Variants in DNAH11 observed in about 807,000 individuals in gnomAD.
The protein encoded by DNAH11 is axonemal beta dynein heavy chain 11.
In DNAH11, 442 loss-of-function variants were observed where a neutral mutation model predicts 526.0. The ratio of observed to expected loss-of-function variants is 0.84; its 90% CI spans 0.78 to 0.91. The LOEUF (loss-of-function observed/expected upper bound fraction) is 0.91, where lower values mean the gene tolerates loss of function less well. Ranked by LOEUF, DNAH11 falls within the 40% of genes least tolerant of loss-of-function variation. The pLI, the probability that DNAH11 is intolerant of heterozygous loss-of-function variation, is 0.00. For synonymous variants in DNAH11, 2,461 were observed against 1,935.9 expected (o/e 1.27, Z -7.12); for missense variants, 6,989 against 5,448.7 (o/e 1.28, Z -8.90).
intron 52 of DNAH11, 114 bp downstream of exon 52, chr7:21,748,856 C>T: frequency 1.8e-6 from 2 of 1,103,046 alleles, no homozygotes; most frequent in Non-Finnish European, 2.5e-6. Context: ...GCCTCCCCAA[C>T]CACGGGAGAG....
At chr7:21,609,558 G>A (rs1463825612) in intron 20 of DNAH11, among the ~76,000 whole-genome samples, 1 of 135,166 alleles carries the variant, frequency 7.4e-6, no homozygotes, top group Admixed American at 7.3e-5. Flanking sequence ...TGGAATTAGT[G>A]TAAGTGATAG....
intron 2 of DNAH11, 131 bp from the exon 3 acceptor site, chr7:21,558,671 C>G (rs1783317604): frequency 1.5e-6 from 1 of 670,892 alleles, no homozygotes; most frequent in South Asian, 2.1e-5. Context: ...ACTTTATCCT[C>G]TCTTTGTAGA....
In DNAH11 at chr7:21,901,382, T is replaced by C; in HGVS notation, c.*128T>C. ...CACACGTGCATTCTTTTTTCAACGC[T>C]ATCCTTAGAGTGAAAGTCAGAAAAA... On this transcript the variant is annotated 3_prime_UTR_variant, in exon 82 of 82. Transcript: ENST00000409508. 7.7e-7 allele frequency: 1 copy of C among 1,298,280 alleles called. No homozygotes were observed. The highest frequency in any genetic ancestry group is 1.0e-6 in the Non-Finnish European group (1 of 1,000,010). 80.4% of individuals were successfully genotyped at this position (1,298,280 alleles called of 1,614,324 possible). A position where few individuals can be genotyped will look rare whatever the true frequency, so the allele number is the denominator to read the frequency against.
At chr7:21,656,917 A>C (rs1325690466) in intron 29 of DNAH11, among the ~76,000 whole-genome samples, 4 of 152,098 alleles carry the variant, frequency 2.6e-5, no homozygotes, top group Non-Finnish European at 5.9e-5. Flanking sequence ...TGATTAGAAA[A>C]AGTTGCCATA....
At chr7:21,755,926 T>C (rs1236698891) in intron 54 of DNAH11, among the ~76,000 whole-genome samples, 1 of 152,298 alleles carries the variant, frequency 6.6e-6, no homozygotes, top group Non-Finnish European at 1.5e-5. Context: ...TAACTTCTTA[T>C]TGTTGGTTAT....
At chr7:21,763,440 C>T (rs1199555792) in intron 54 of DNAH11, among the ~76,000 whole-genome samples, 1 of 150,808 alleles carries the variant, frequency 6.6e-6, no homozygotes, top group Admixed American at 6.6e-5. Context: ...AAATCAAAAC[C>T]ACAATGAAGC....
At chr7:21,620,371 A>G (rs1785988903) in intron 25 of DNAH11, among the ~76,000 whole-genome samples, 1 of 152,056 alleles carries the variant, frequency 6.6e-6, no homozygotes. Context: ...CCTTTGATCA[A>G]CAGCTCCTCT....
intron 30 of DNAH11, among the ~76,000 whole-genome samples, chr7:21,669,528 C>T (rs570708311): frequency 2.0e-5 from 3 of 151,828 alleles, no homozygotes; most frequent in Admixed American, 1.3e-4. Context: ...GTTTTTTGTT[C>T]GAAAATGGAC....
chr7:21,725,909 C>T lies in DNAH11; in HGVS notation c.7365C>T (p.Asp2455=), dbSNP rs183855253. ...GAACAATCTTTGATTATTATGTGGA[C>T]CACAAAACTAAGAAATTATTGCCCT... ...SQGTIFDYYV[D]HKTKKLLPWA... Residue 2455 remains aspartate, a synonymous_variant, in exon 45 of 82, where the codon GAC becomes GAT. Transcript: ENST00000409508. The T allele has an allele frequency of 3.8e-5, 60 of 1,588,830 alleles. No homozygotes were observed. In the African/African-American group the frequency reaches 7.8e-4, roughly 21 times the overall value.
At position 21,801,275 on chromosome 7, in the gene DNAH11, A is replaced by C. The variant is rs747716837; in HGVS notation, c.10165A>C (p.Lys3389Gln). ...ANRLVKELEAKKIRWGQSIKS... is the reference protein window; with the variant it reads ...ANRLVKELEAQKIRWGQSIKS... ...CAGACTTGTCAAGGAACTTGAGGCA[A>C]GTTAAACCTTTTCTTCCAAACATTC... is the stretch of plus-strand genomic sequence containing the variant. Residue 3389 changes from lysine (K) to glutamine (Q), a missense_variant and splice_region_variant, in exon 62 of 82, where the codon AAG becomes CAG. Physicochemically the swap from Lys to Gln is moderately conservative, Grantham distance 53. Coordinates refer to ENST00000409508, the MANE Select transcript of DNAH11 (RefSeq NM_001277115.2). The C allele has an allele frequency of 6.2e-7, 1 of 1,613,816 alleles. No homozygotes were observed. Among genetic ancestry groups the C allele is most frequent in the South Asian group, 1.1e-5 (1 of 90,984 alleles).
At chr7:21,887,126 A>T (rs1784152954) in intron 76 of DNAH11, among the ~76,000 whole-genome samples, 1 of 152,206 alleles carries the variant, frequency 6.6e-6, no homozygotes, top group Admixed American at 6.5e-5. Context: ...GTTGCATTGG[A>T]ACATGATCAA....
chr7:21,661,068 A>C (rs1782224606), intron 30 of DNAH11, among the ~76,000 whole-genome samples: 1 of 152,116 alleles, frequency 6.6e-6, no homozygotes, highest in South Asian at 2.1e-4. Context: ...TCAGGCACTT[A>C]CATTCTAGTT....
chr7:21,621,923 C>G (rs917096780), intron 25 of DNAH11, among the ~76,000 whole-genome samples: 5 of 152,078 alleles, frequency 3.3e-5, no homozygotes, highest in African/African-American at 1.2e-4. Context: ...CAGGGATGCC[C>G]TCTCTCACCA....
At position 21,720,749 on chromosome 7, in the gene DNAH11, T is replaced by C; in HGVS notation, c.7159T>C (p.Leu2387=). The change falls in exon 44 of 82, where the codon TTG becomes CTG. Residue 2387 remains leucine (L), a synonymous_variant. Coordinates refer to ENST00000409508, the MANE Select transcript of DNAH11 (RefSeq NM_001277115.2). ...GACTCTATGTGTTCTTTTGGAGTGC[T>C]TGCTGACTCCTGAAAATGTACCTTC... ...VQTLCVLLEC[L]LTPENVPSDS... 1 of 1,585,758 alleles carries C rather than the reference T, an allele frequency of 6.3e-7. No individual in the cohort carries two copies. The highest frequency in any genetic ancestry group is 8.6e-7 in the Non-Finnish European group (1 of 1,164,642).
intron 25 of DNAH11, among the ~76,000 whole-genome samples, chr7:21,633,284 T>C (rs369838497): frequency 2.0e-5 from 3 of 152,328 alleles, no homozygotes; most frequent in East Asian, 3.9e-4. Context: ...AAATCTGTAT[T>C]CTGCTATTGG....
At chr7:21,687,991 G>A (rs976607673) in intron 34 of DNAH11, among the ~76,000 whole-genome samples, 1 of 152,264 alleles carries the variant, frequency 6.6e-6, no homozygotes, top group African/African-American at 2.4e-5. Flanking sequence ...GAGCCCAGGA[G>A]GTCAAGGCTG....
chr7:21,901,567 T>TA lies in DNAH11; in HGVS notation c.*313_*314insA. 1 of 197,424 alleles carries TA rather than the reference T, an allele frequency of 5.1e-6. No homozygotes were observed. 12.2% of individuals were successfully genotyped at this position (197,424 alleles called of 1,614,324 possible). On this transcript the variant is annotated 3_prime_UTR_variant, in exon 82 of 82. Coordinates refer to ENST00000409508, the MANE Select transcript of DNAH11 (RefSeq NM_001277115.2). ...CTGGGCAACAGAACAAGACTCCATC[T>TA]CAAAAAAAAAAAAGTACATCATAAA...
intron 18 of DNAH11, among the ~76,000 whole-genome samples, chr7:21,601,926 TCA>T (rs1319660179): frequency 2.0e-5 from 3 of 152,106 alleles, no homozygotes; most frequent in African/African-American, 7.2e-5. Flanking sequence ...TTTTTTGAGT[TCA>T]GTTTTACCAT....
chr7:21,859,265 C>T (rs1782967301), intron 68 of DNAH11, among the ~76,000 whole-genome samples: 1 of 152,136 alleles, frequency 6.6e-6, no homozygotes, highest in South Asian at 2.1e-4. Context: ...AGGCACCCAC[C>T]ACCATGCCTG....
Sources: allele counts gnomAD v4.1 joint callset (sites outside exome capture counted in the v4.1 genomes callset), GRCh38; gene constraint gnomAD v4.1.1; transcripts MANE v1.5; gene names NCBI Gene and HGNC (gene_info 2026-07-23, HGNC 2026-07-21).